NLGN1: variants seen among roughly 807,000 people sequenced by gnomAD.
The protein encoded by NLGN1 is neuroligin 1.
A neutral mutation model predicts 65.5 loss-of-function variants in NLGN1; 12 were observed. The ratio of observed to expected loss-of-function variants is 0.18; its 90% CI spans 0.12 to 0.30. The LOEUF (loss-of-function observed/expected upper bound fraction) is 0.30, where lower values mean the gene tolerates loss of function less well. NLGN1 is among the 10% of genes least tolerant of loss of function. The probability of loss-of-function intolerance (pLI) is 1.00; values close to 1 mark genes in which losing one functional copy is unlikely to be tolerated. For missense variants in NLGN1, 750 were observed against 1,007.1 expected (o/e 0.74, Z 3.46); for synonymous variants, 350 against 359.5 (o/e 0.97, Z 0.30).
chr3:173,859,130 AT>A (rs764017487), intron 4 of NLGN1, among the ~76,000 whole-genome samples: 3 of 152,104 alleles, frequency 2.0e-5, no homozygotes, highest in Non-Finnish European at 4.4e-5. Context: ...GAAAGAAAAA[AT>A]AAAAAGAAAC....
intron 3 of NLGN1, among the ~76,000 whole-genome samples, chr3:173,728,365 G>C (rs1772182277): frequency 6.6e-6 from 1 of 152,072 alleles, no homozygotes; most frequent in Admixed American, 6.6e-5. Context: ...ACCAGTCTAG[G>C]TGGACTTTGC....
At chr3:174,048,808 G>C (rs567220175) in intron 4 of NLGN1, among the ~76,000 whole-genome samples, 1 of 152,098 alleles carries the variant, frequency 6.6e-6, no homozygotes, top group South Asian at 2.1e-4. Flanking sequence ...AAATACAATT[G>C]ATATATTCAA....
At chr3:174,034,081 A>T (rs1247254232) in intron 4 of NLGN1, among the ~76,000 whole-genome samples, 1 of 152,142 alleles carries the variant, frequency 6.6e-6, no homozygotes, top group Non-Finnish European at 1.5e-5. Flanking sequence ...GAAACACTTT[A>T]TGTATAGAGG....
At chr3:173,553,960 G>T (rs1172949621) in intron 2 of NLGN1, among the ~76,000 whole-genome samples, 1 of 152,190 alleles carries the variant, frequency 6.6e-6, no homozygotes, top group Non-Finnish European at 1.5e-5. Flanking sequence ...GAGAAGTAGT[G>T]AGAAAGAGCA....
chr3:174,228,646 C>T (rs767942086), intron 4 of NLGN1, among the ~76,000 whole-genome samples: 63 of 152,138 alleles, frequency 4.1e-4, no homozygotes, highest in Non-Finnish European at 6.8e-4. Context: ...ATTCCATTTG[C>T]GCTTTATCTA....
chr3:174,257,791 T>G (rs1230434244), intron 4 of NLGN1, among the ~76,000 whole-genome samples: 1 of 151,478 alleles, frequency 6.6e-6, no homozygotes, highest in East Asian at 1.9e-4. Context: ...AATTTTCATA[T>G]GCAAAAATCA....
chr3:173,617,894 C>G lies in NLGN1; in HGVS notation c.493+12803C>G. Among the ~76,000 whole-genome samples, 2 of 152,118 alleles carry G rather than the reference C, an allele frequency of 1.3e-5. 1 individual carries two copies. The highest frequency in any genetic ancestry group is 3.9e-4 in the East Asian group (2 of 5,186). On this transcript the variant is annotated intron_variant, in intron 3 of 6. Transcript: ENST00000457714. ...TTCTTCTTATTCAACCCCAATTTCC[C>G]TCCCCTGACAAATATATCTTCTAAT...
At position 173,763,955 on chromosome 3, in the gene NLGN1, A is replaced by G. The variant is rs552240807; in HGVS notation, c.494-43725A>G. Among the ~76,000 whole-genome samples, 5 of 152,312 alleles carry G rather than the reference A, an allele frequency of 3.3e-5. No homozygotes were observed. In the South Asian group the frequency reaches 1.0e-3, roughly 32 times the overall value. Reference sequence around the variant, plus strand: ...ATCATTTTATATTCAAACATTTTCCATAAAATCTGTACTGTGCTCAGTAAG... The same window carrying G: ...ATCATTTTATATTCAAACATTTTCCGTAAAATCTGTACTGTGCTCAGTAAG... On this transcript the variant is annotated intron_variant, in intron 3 of 6. Coordinates refer to ENST00000457714, the Ensembl canonical transcript of NLGN1.
chr3:173,435,498 A>T (rs977164235), intron 2 of NLGN1, among the ~76,000 whole-genome samples: 9 of 152,178 alleles, frequency 5.9e-5, no homozygotes, highest in African/African-American at 2.2e-4. Flanking sequence ...CGGAAGCGTT[A>T]TGTTGTGATA....
At chr3:173,558,574 C>T (rs983410705) in intron 2 of NLGN1, among the ~76,000 whole-genome samples, 2 of 152,148 alleles carry the variant, frequency 1.3e-5, no homozygotes, top group African/African-American at 2.4e-5. Flanking sequence ...CATTCTTCTA[C>T]AGGACCTACC....
At chr3:173,603,961 T>A (rs1750972422) in intron 2 of NLGN1, among the ~76,000 whole-genome samples, 1 of 152,144 alleles carries the variant, frequency 6.6e-6, no homozygotes, top group African/African-American at 2.4e-5. Context: ...GATTGAAGAC[T>A]ATTAATAAAG....
intron 3 of NLGN1, among the ~76,000 whole-genome samples, chr3:173,747,539 G>A (rs1261374667): frequency 2.0e-5 from 3 of 150,398 alleles, no homozygotes; most frequent in Non-Finnish European, 4.4e-5. Context: ...GCAAGCAAAA[G>A]TCCTGTTCGA....
At chr3:173,496,199 CATTT>C (rs1729997179) in intron 2 of NLGN1, among the ~76,000 whole-genome samples, 1 of 151,638 alleles carries the variant, frequency 6.6e-6, no homozygotes, top group Non-Finnish European at 1.5e-5. Flanking sequence ...ACTTTATATT[CATTT>C]AGTCAGTCCT....
intron 4 of NLGN1, among the ~76,000 whole-genome samples, chr3:173,808,071 T>C (rs1402310857): frequency 1.3e-5 from 2 of 152,168 alleles, no homozygotes; most frequent in Non-Finnish European, 2.9e-5. Flanking sequence ...TTATAAACTA[T>C]GAAAGACAAA....
downstream of NLGN1, among the ~76,000 whole-genome samples, chr3:174,290,975 GAA>G (rs1002282476): frequency 1.6e-4 from 24 of 150,166 alleles, no homozygotes; most frequent in African/African-American, 5.6e-4. Flanking sequence ...ATCAGAATTA[GAA>G]AAGTTAAAAG....
intron 2 of NLGN1, among the ~76,000 whole-genome samples, chr3:173,490,060 C>T: frequency 6.6e-6 from 1 of 152,112 alleles, no homozygotes; most frequent in Admixed American, 6.5e-5. Flanking sequence ...ATGGTAGTTT[C>T]TTTTGCTGTG....
intron 4 of NLGN1, among the ~76,000 whole-genome samples, chr3:174,163,295 T>C (rs563567162): frequency 4.5e-4 from 68 of 152,162 alleles, no homozygotes; most frequent in Non-Finnish European, 8.5e-4. Context: ...CTAAACTTAA[T>C]TTCTCTCATT....
At chr3:174,156,378 G>T (rs1023997418) in intron 4 of NLGN1, among the ~76,000 whole-genome samples, 1 of 151,740 alleles carries the variant, frequency 6.6e-6, no homozygotes, top group Non-Finnish European at 1.5e-5. Flanking sequence ...TGTTGCCTGT[G>T]TTTTCTTTTT....
chr3:173,944,987 A>G (rs1243184765), intron 4 of NLGN1, among the ~76,000 whole-genome samples: 1 of 152,164 alleles, frequency 6.6e-6, no homozygotes, highest in African/African-American at 2.4e-5. Flanking sequence ...AGAAAATGAG[A>G]TGGAGGTCAC....
Sources: allele counts gnomAD v4.1 joint callset (sites outside exome capture counted in the v4.1 genomes callset), GRCh38; gene constraint gnomAD v4.1.1; transcripts MANE v1.5; gene names NCBI Gene and HGNC (gene_info 2026-07-23, HGNC 2026-07-21).